The following KANK1 variants were observed in gnomAD, a reference collection of about 807,000 sequenced individuals.
KANK1 encodes the protein KN motif and ankyrin repeat domains 1, also known as KN motif and ankyrin repeat domain-containing protein 1.
KANK1 carries 109 observed loss-of-function variants against 106.2 expected under a neutral mutation model. The observed-to-expected ratio is 1.03, with a 90% CI of 0.88 to 1.20. KANK1 has a LOEUF of 1.20. Among genes scored for constraint, KANK1 ranks in the 50% most tolerant of loss-of-function variants. KANK1 has a pLI of 0.00. For synonymous variants in KANK1, 873 were observed against 652.2 expected (o/e 1.34, Z -5.16); for missense variants, 2,399 against 1,710.7 (o/e 1.40, Z -7.10).
At chr9:582,540 C>G (rs1320366293) in intron 1 of KANK1, among the ~76,000 whole-genome samples, 1 of 152,174 alleles carries the variant, frequency 6.6e-6, no homozygotes, top group Non-Finnish European at 1.5e-5. Context: ...TAATTGACTA[C>G]AACCAGTTTA....
At chr9:623,004 A>G (rs960522932) in intron 1 of KANK1, among the ~76,000 whole-genome samples, 1 of 152,186 alleles carries the variant, frequency 6.6e-6, no homozygotes, top group African/African-American at 2.4e-5. Context: ...CTTGGCAATG[A>G]TTTTGTTGCT....
chr9:710,615 CAA>C (rs1222306010), intron 2 of KANK1, among the ~76,000 whole-genome samples, 187 bp from the exon 3 acceptor site: 1 of 36,050 alleles, frequency 2.8e-5, no homozygotes, highest in Non-Finnish European at 5.0e-5. Flanking sequence ...TGACCTGTCT[CAA>C]AAAAAAAAAA....
At chr9:684,073 C>T (rs1018021612) in intron 2 of KANK1, 21 of 688,748 alleles carry the variant, frequency 3.0e-5, no homozygotes, top group African/African-American at 2.1e-4. Flanking sequence ...ACCCAGCCCC[C>T]GGAGAGGTTT....
At chr9:695,213 A>G (rs1820938911) in intron 2 of KANK1, among the ~76,000 whole-genome samples, 1 of 152,144 alleles carries the variant, frequency 6.6e-6, no homozygotes, top group Admixed American at 6.6e-5. Context: ...GGTGGCTTAA[A>G]GCACCGTCTT....
At chr9:729,170 C>T (rs1028462369) in intron 3 of KANK1, among the ~76,000 whole-genome samples, 1 of 152,128 alleles carries the variant, frequency 6.6e-6, no homozygotes, top group African/African-American at 2.4e-5. Context: ...TTTTAAGTGG[C>T]TAACATATAC....
intron 3 of KANK1, among the ~76,000 whole-genome samples, chr9:725,023 C>T (rs1240642347): frequency 2.0e-5 from 3 of 152,134 alleles, no homozygotes; most frequent in South Asian, 4.1e-4. Context: ...GTTGTTTGGA[C>T]CGCTGAATTC....
chr9:512,654 C>T (rs1462294589), intron 1 of KANK1, among the ~76,000 whole-genome samples: 1 of 152,052 alleles, frequency 6.6e-6, no homozygotes, highest in Non-Finnish European at 1.5e-5. Context: ...TTCCCTTTTG[C>T]CAAACTATTG....
intron 1 of KANK1, among the ~76,000 whole-genome samples, chr9:652,578 AAAGG>A (rs369822432): frequency 1.3e-5 from 2 of 152,332 alleles, no homozygotes; most frequent in East Asian, 3.9e-4. Flanking sequence ...ATTCAACAAT[AAAGG>A]AAGGTCAAAT....
At chr9:721,843 G>A (rs1829422094) in intron 3 of KANK1, among the ~76,000 whole-genome samples, 1 of 152,242 alleles carries the variant, frequency 6.6e-6, no homozygotes, top group Admixed American at 6.5e-5. Flanking sequence ...CACCAGTGAA[G>A]GCATACGGTC....
chr9:709,684 C>T (rs533993308), intron 2 of KANK1, among the ~76,000 whole-genome samples: 22 of 150,726 alleles, frequency 1.5e-4, no homozygotes, highest in African/African-American at 5.1e-4. Context: ...GGTGTGACCT[C>T]GCCTCACTGC....
intron 4 of KANK1, 64 bp downstream of exon 4, chr9:730,312 A>G (rs759800062): frequency 2.4e-5 from 35 of 1,461,346 alleles, no homozygotes; most frequent in East Asian, 9.1e-5. Flanking sequence ...CAGCATTCCA[A>G]TTTAATGTCA....
Position 711,257 on chromosome 9 carries a change from G to T in KANK1, c.491G>T (p.Arg164Ile), listed in dbSNP as rs779383668. 1.9e-6 allele frequency: 3 copies of T among 1,614,138 alleles called. No homozygotes were observed. Among genetic ancestry groups the T allele is most frequent in the Non-Finnish European group, 2.5e-6 (3 of 1,180,046 alleles). The change falls in exon 3 of 12, where the codon AGA becomes ATA. Residue 164 changes from arginine (R) to isoleucine (I), a missense_variant. By Grantham distance (97) the Arg-to-Ile change is moderately conservative. Transcript: ENST00000382297. Reference sequence around the variant, plus strand: ...AAGACACTGATGGAGACCCGGAGAAGACTGGAACAGGAGAGAGCCACCATG... The same window carrying T: ...AAGACACTGATGGAGACCCGGAGAATACTGGAACAGGAGAGAGCCACCATG... ...VTKTLMETRR[R>I]LEQERATMQM...
At chr9:515,875 G>A (rs765723089) in intron 1 of KANK1, among the ~76,000 whole-genome samples, 35 of 151,906 alleles carry the variant, frequency 2.3e-4, no homozygotes, top group Non-Finnish European at 4.3e-4. Context: ...GAAACCTCAC[G>A]TGTGGTTTGA....
chr9:563,686 A>G (rs1484383031), intron 1 of KANK1, among the ~76,000 whole-genome samples: 1 of 152,184 alleles, frequency 6.6e-6, no homozygotes, highest in Non-Finnish European at 1.5e-5. Context: ...CCAGAATTGT[A>G]GTTATGCGTG....
intron 2 of KANK1, among the ~76,000 whole-genome samples, chr9:700,545 T>G (rs1285753780): frequency 6.6e-6 from 1 of 152,202 alleles, no homozygotes; most frequent in African/African-American, 2.4e-5. Flanking sequence ...TCCTACTGGT[T>G]TGCTTTCCTG....
intron 1 of KANK1, among the ~76,000 whole-genome samples, chr9:609,038 C>G (rs1224422880): frequency 6.6e-6 from 1 of 151,926 alleles, no homozygotes; most frequent in African/African-American, 2.4e-5. Flanking sequence ...TGAACTCCTG[C>G]AAGATCGTTG....
At chr9:651,204 G>A (rs953197960) in intron 1 of KANK1, among the ~76,000 whole-genome samples, 4 of 152,140 alleles carry the variant, frequency 2.6e-5, no homozygotes, top group African/African-American at 9.7e-5. Flanking sequence ...CCTTAGGAAT[G>A]GGGTTTTATT....
At chr9:561,573 A>G (rs1043148096) in intron 1 of KANK1, among the ~76,000 whole-genome samples, 4 of 152,246 alleles carry the variant, frequency 2.6e-5, no homozygotes, top group Non-Finnish European at 4.4e-5. Context: ...CAGCATTGGT[A>G]CTATTTACTT....
intron 1 of KANK1, among the ~76,000 whole-genome samples, chr9:674,738 C>T (rs1216663975): frequency 1.3e-5 from 2 of 152,182 alleles, no homozygotes; most frequent in Admixed American, 1.3e-4. Context: ...CAGTCTCGTT[C>T]TGTCGCCCAG....
Sources: gnomAD v4.1 joint callset for allele counts (sites outside exome capture counted in the v4.1 genomes callset) on GRCh38, gnomAD v4.1.1 for gene constraint, MANE v1.5 for transcripts, NCBI Gene and HGNC (gene_info 2026-07-23, HGNC 2026-07-21) for gene names.